Variants in SMPD1 observed in about 807,000 individuals in gnomAD.
The protein encoded by SMPD1 is sphingomyelin phosphodiesterase.
In SMPD1, 47 loss-of-function variants were observed where a neutral mutation model predicts 49.7. The ratio of observed to expected loss-of-function variants is 0.95; its 90% CI spans 0.75 to 1.21. The LOEUF (loss-of-function observed/expected upper bound fraction) is 1.21, where lower values mean the gene tolerates loss of function less well. Among genes scored for constraint, SMPD1 ranks in the 50% most tolerant of loss-of-function variants. The pLI, the probability that SMPD1 is intolerant of heterozygous loss-of-function variation, is 0.00. For missense variants in SMPD1, 811 were observed against 822.2 expected, an observed-to-expected ratio of 0.99 and a Z score of 0.17; for synonymous variants, 336 against 339.6, an observed-to-expected ratio of 0.99 and a Z score of 0.12.
In SMPD1 at chr11:6,394,345, A is replaced by G. The variant is rs753894999; in HGVS notation, c.1634A>G (p.Tyr545Cys). ...WQLLYRARET[Y>C]GLPNTLPTAW... is the part of the protein sequence containing the mutation. ...CTTCTCTACAGGGCTCGAGAAACCTATGGGCTGCCCAACACACTGCCTACC... is the reference window on the plus strand; with the variant it reads ...CTTCTCTACAGGGCTCGAGAAACCTGTGGGCTGCCCAACACACTGCCTACC... Residue 545 changes from tyrosine (Y) to cysteine (C), a missense_variant, in exon 6 of 6, where the codon TAT (tyrosine) becomes TGT (cysteine). By Grantham distance (194) the Tyr-to-Cys change is radical. Transcript: ENST00000342245. The G allele has an allele frequency of 1.9e-6, 3 of 1,614,186 alleles. No individual in the cohort carries two copies. The highest frequency in any genetic ancestry group is 1.7e-6 in the Non-Finnish European group (2 of 1,180,032).
At position 6,394,666 on chromosome 11, in the gene SMPD1, A is replaced by C; in HGVS notation, c.*59A>C. 2 of 1,424,708 alleles carry C rather than the reference A, an allele frequency of 1.4e-6. No individual in the cohort carries two copies. Among genetic ancestry groups the C allele is most frequent in the Non-Finnish European group, 1.9e-6 (2 of 1,027,752 alleles). The allele number at this position is 1,424,708 out of a possible 1,614,324, so 88.3% of individuals were successfully genotyped here. A position where few individuals can be genotyped will look rare whatever the true frequency, so the allele number is the denominator to read the frequency against. Reference sequence around the variant, plus strand: ...TGTAGGAAAGGGTGAAAAAGCCCAAATGCTGCTGTGGTTCAACCAGGCAAG... The same window carrying C: ...TGTAGGAAAGGGTGAAAAAGCCCAACTGCTGCTGTGGTTCAACCAGGCAAG... On this transcript the variant is annotated 3_prime_UTR_variant, in exon 6 of 6. Coordinates refer to ENST00000342245, the MANE Select transcript of SMPD1 (RefSeq NM_000543.5).
intron 2 of SMPD1, among the ~76,000 whole-genome samples, chr11:6,392,894 C>T (rs777438314): frequency 8.6e-5 from 13 of 152,026 alleles, no homozygotes; most frequent in South Asian, 2.1e-4. Context: ...CATGTTGGCC[C>T]TCTGGAAATG....
chr11:6,390,974 T>C (rs1210638242), intron 1 of SMPD1, 58 bp downstream of exon 1: 11 of 1,595,304 alleles, frequency 6.9e-6, no homozygotes, highest in Middle Eastern at 1.7e-4. Context: ...GGCTGGGGGC[T>C]GGGGCTGATG....
At position 6,392,057 on chromosome 11, in the gene SMPD1, C is replaced by T. The variant is rs1162100791; in HGVS notation, c.992C>T (p.Pro331Leu). 5 of 1,614,048 alleles carry T rather than the reference C, an allele frequency of 3.1e-6. No homozygotes were observed. The highest frequency in any genetic ancestry group is 2.7e-5 in the African/African-American group (2 of 74,922). Residue 331 changes from proline to leucine, a missense_variant, in exon 2 of 6, where the codon CCC (proline) becomes CTC (leucine). Physicochemically the swap from Pro to Leu is moderately conservative, Grantham distance 98. Transcript: ENST00000342245. The part of the protein sequence containing the change: ...HESTPVNSFP[P>L]PFIEGNHSSR... ...AGCACACCTGTCAATAGCTTCCCTC[C>T]CCCCTTCATTGAGGGCAACCACTCC...
intron 3 of SMPD1, 41 bp from the exon 4 acceptor site, chr11:6,393,576 C>A: frequency 1.3e-6 from 2 of 1,522,730 alleles, no homozygotes; most frequent in Non-Finnish European, 1.8e-6. Flanking sequence ...CTGCCTGGAC[C>A]CCTGGATGCC....
chr11:6,394,204 G>A lies in SMPD1; in HGVS notation c.1493G>A (p.Arg498His), dbSNP rs120074117. The A allele has an allele frequency of 6.2e-6, 10 of 1,614,126 alleles. No homozygotes were observed. The South Asian group carries it at 7.7e-5, about 12-fold the overall frequency. ...CAGCCCCACATCCTTGCAGGTTACC[G>A]TGTGTACCAAATAGATGGAAACTAC... ...TTYIGLNPGY[R>H]VYQIDGNYSG... The change falls in exon 6 of 6, where the codon CGT becomes CAT. Residue 498 changes from arginine to histidine, a missense_variant. Coordinates refer to ENST00000342245, the MANE Select transcript of SMPD1 (RefSeq NM_000543.5).
intron 2 of SMPD1, among the ~76,000 whole-genome samples, chr11:6,392,698 T>C (rs1298502363): frequency 6.6e-6 from 1 of 150,906 alleles, no homozygotes; most frequent in Non-Finnish European, 1.5e-5. Context: ...TTTCACCATG[T>C]TGGCCAAGAT....
chr11:6,390,576 A>G lies in SMPD1; in HGVS notation c.-23A>G. The G allele has an allele frequency of 6.2e-7, 1 of 1,607,964 alleles. No individual in the cohort carries two copies. The highest frequency in any genetic ancestry group is 8.5e-7 in the Non-Finnish European group (1 of 1,178,078). ...CCGGGGGGGACGGGACAGACGAACCAGCCCCGTGTAGGAAGCGCGACAATG... is the reference window on the plus strand; with the variant it reads ...CCGGGGGGGACGGGACAGACGAACCGGCCCCGTGTAGGAAGCGCGACAATG... On this transcript the variant is annotated 5_prime_UTR_variant, in exon 1 of 6. Transcript: ENST00000342245.
chr11:6,394,832 T>C lies in SMPD1; in HGVS notation c.*225T>C, dbSNP rs2134025735. 4 of 594,236 alleles carry C rather than the reference T, an allele frequency of 6.7e-6. No individual in the cohort carries two copies. The South Asian group carries it at 7.9e-5, about 12-fold the overall frequency. 36.8% of individuals were successfully genotyped at this position (594,236 alleles called of 1,614,324 possible). A position where few individuals can be genotyped will look rare whatever the true frequency, so the allele number is the denominator to read the frequency against. On this transcript the variant is annotated 3_prime_UTR_variant, in exon 6 of 6. Transcript: ENST00000342245. ...AGGAGCTAGACTGCCTTGAGGCTGCTGTCCTTTCACAGCCATGGAGTAGAG... is the reference window on the plus strand; with the variant it reads ...AGGAGCTAGACTGCCTTGAGGCTGCCGTCCTTTCACAGCCATGGAGTAGAG...
intron 2 of SMPD1, 173 bp downstream of exon 2, chr11:6,392,329 CTTTTTT>C (rs756326903): frequency 7.7e-5 from 31 of 403,718 alleles, no homozygotes; most frequent in African/African-American, 3.0e-4. Context: ...CCGCACCAGG[CTTTTTT>C]TTTTTTTTTT....
In SMPD1 at chr11:6,394,241, T is replaced by C. The variant is rs1848082690; in HGVS notation, c.1530T>C (p.Ser510=). 2 of 1,614,044 alleles carry C rather than the reference T, an allele frequency of 1.2e-6. No individual in the cohort carries two copies. ...TAGATGGAAACTACTCCGGGAGCTC[T>C]CACGTGGTCCTGGACCATGAGACCT... ...YQIDGNYSGS[S]HVVLDHETYI... Residue 510 remains serine, a synonymous_variant, in exon 6 of 6, where the codon TCT becomes TCC. Coordinates refer to ENST00000342245, the MANE Select transcript of SMPD1 (RefSeq NM_000543.5).
rs1307161219 is a variant in SMPD1 at position 6,391,387 on chromosome 11, G to C, written c.322G>C (p.Glu108Gln). Residue 108 changes from glutamate to glutamine, a missense_variant, in exon 2 of 6, where the codon GAA becomes CAA. By Grantham distance (29) the Glu-to-Gln change is conservative. Transcript: ENST00000342245. ...FTAINLGLKK[E>Q]PNVARVGSVA... is the part of the protein sequence containing the mutation. ...CCATGCGCTCCTCCCACTGCAGAAG[G>C]AACCCAATGTGGCTCGCGTGGGCTC... 1.2e-6 allele frequency: 2 copies of C among 1,612,418 alleles called. No individual in the cohort carries two copies. Among genetic ancestry groups the C allele is most frequent in the Non-Finnish European group, 1.7e-6 (2 of 1,179,946 alleles).
At chr11:6,393,187 G>A (rs778886156) in intron 2 of SMPD1, 29 bp from the exon 3 acceptor site, 1 of 1,608,462 alleles carries the variant, frequency 6.2e-7, no homozygotes, top group Non-Finnish European at 8.5e-7. Flanking sequence ...TGGAACAAGT[G>A]TTGACCTCTC....
rs587779408 is a variant in SMPD1, at chr11:6,391,804, G to A, written c.739G>A (p.Gly247Ser). The A allele has an allele frequency of 2.4e-5, 38 of 1,612,708 alleles. No individual in the cohort carries two copies. Among genetic ancestry groups the A allele is most frequent in the Admixed American group, 3.3e-5 (2 of 60,008 alleles). Residue 247 changes from glycine to serine, a missense_variant, in exon 2 of 6, where the codon GGC (glycine) becomes AGC (serine). Gly to Ser is a moderately conservative substitution (Grantham distance 56). Coordinates refer to ENST00000342245, the MANE Select transcript of SMPD1 (RefSeq NM_000543.5). The stretch of plus-strand genomic sequence containing the variant: ...ATCCCGGCCAGGTGCCGGATACTGG[G>A]GCGAATACAGCAAGTGTGACCTGCC... ...PASRPGAGYW[G>S]EYSKCDLPLR... is the part of the protein sequence containing the mutation.
In SMPD1 at chr11:6,393,287, C is replaced by T; in HGVS notation, c.1163C>T (p.Ser388Phe). Residue 388 changes from serine (S) to phenylalanine (F), a missense_variant, in exon 3 of 6, where the codon TCC becomes TTC. Physicochemically the swap from Ser to Phe is radical, Grantham distance 155. Coordinates refer to ENST00000342245, the MANE Select transcript of SMPD1 (RefSeq NM_000543.5). ...RLISLNMNFC[S>F]RENFWLLINS... ...ATCTCTCTCAATATGAATTTTTGTT[C>T]CCGTGAGAACTTCTGGCTCTTGATC... is the stretch of plus-strand genomic sequence containing the variant. 1 of 1,613,942 alleles carries T rather than the reference C, an allele frequency of 6.2e-7. No individual in the cohort carries two copies. Among genetic ancestry groups the T allele is most frequent in the South Asian group, 1.1e-5 (1 of 91,080 alleles).
chr11:6,394,355 C>T lies in SMPD1; in HGVS notation c.1644C>T (p.Pro548=), dbSNP rs2134023668. The change falls in exon 6 of 6, where the codon CCC becomes CCT. Residue 548 remains proline, a synonymous_variant. Transcript: ENST00000342245. ...GGGCTCGAGAAACCTATGGGCTGCC[C>T]AACACACTGCCTACCGCCTGGCACA... ...LYRARETYGL[P]NTLPTAWHNL... 20 of 1,614,240 alleles carry T rather than the reference C, an allele frequency of 1.2e-5. 2 individuals carry two copies. Among genetic ancestry groups the T allele is most frequent in the Non-Finnish European group, 1.7e-5 (20 of 1,180,050 alleles).
rs1437773872 is a variant in SMPD1 at position 6,391,467 on chromosome 11, A to G, written c.402A>G (p.Gln134=). 2 of 1,613,940 alleles carry G rather than the reference A, an allele frequency of 1.2e-6. No individual in the cohort carries two copies. Among genetic ancestry groups the G allele is most frequent in the Admixed American group, 1.7e-5 (1 of 60,036 alleles). The change falls in exon 2 of 6, where the codon CAA becomes CAG. Residue 134 remains glutamine, a synonymous_variant. Coordinates refer to ENST00000342245, the MANE Select transcript of SMPD1 (RefSeq NM_000543.5). ...LLKIAPPAVC[Q]SIVHLFEDDM... is the part of the protein sequence containing the mutation. The stretch of plus-strand genomic sequence containing the variant: ...AGATAGCACCACCTGCCGTGTGCCA[A>G]TCCATTGTCCACCTCTTTGAGGATG...
Position 6,393,868 on chromosome 11 carries a change from T to A in SMPD1, c.1341-28T>A, listed in dbSNP as rs781119026. 2.5e-6 allele frequency: 4 copies of A among 1,613,996 alleles called. No homozygotes were observed. The East Asian group carries it at 8.9e-5, about 36-fold the overall frequency. ...GATGTCTTCCTACCCCTCCCTAGAA[T>A]CTTCTGAATGTAGTACCTTCTGGCC... On this transcript the variant is annotated intron_variant, in intron 4 of 5. Transcript: ENST00000342245.
chr11:6,392,486 C>CTTTTTTTTTTT (rs754271358), intron 2 of SMPD1, among the ~76,000 whole-genome samples: 1 of 45,748 alleles, frequency 2.2e-5, no homozygotes, highest in Non-Finnish European at 3.7e-5. Flanking sequence ...CTGGCCCTCC[C>CTTTTTTTTTTT]TTTTTTTTTT....
Sources: allele counts gnomAD v4.1 joint callset (sites outside exome capture counted in the v4.1 genomes callset), GRCh38; gene constraint gnomAD v4.1.1; transcripts MANE v1.5; gene names NCBI Gene and HGNC (gene_info 2026-07-23, HGNC 2026-07-21).